The following HIVEP2 variants were observed in gnomAD, a reference collection of about 807,000 sequenced individuals.
HIVEP2 encodes transcription factor HIVEP2.
HIVEP2 carries 14 observed loss-of-function variants against 180.7 expected under a neutral mutation model. That is an observed-to-expected ratio of 0.08 (90% CI 0.05 to 0.12). The LOEUF (loss-of-function observed/expected upper bound fraction) is 0.12. HIVEP2 is among the 10% of genes least tolerant of loss of function. The pLI is 1.00. For missense variants in HIVEP2, 2,579 were observed against 3,008.5 expected (o/e 0.86, Z 3.34); for synonymous variants, 1,184 against 1,136.4 (o/e 1.04, Z -0.84).
intron 1 of HIVEP2, among the ~76,000 whole-genome samples, chr6:142,927,239 G>C (rs1266796910): frequency 6.6e-6 from 1 of 152,162 alleles, no homozygotes; most frequent in Non-Finnish European, 1.5e-5. Flanking sequence ...GAAAAGGCGT[G>C]CGTTTCCAGG....
chr6:142,792,588 A>G (rs926554658), intron 2 of HIVEP2, among the ~76,000 whole-genome samples: 1 of 152,146 alleles, frequency 6.6e-6, no homozygotes, highest in Non-Finnish European at 1.5e-5. Context: ...GAGGGAGAGC[A>G]TTAGGACAAA....
At chr6:142,900,738 C>T (rs1019165488) in intron 1 of HIVEP2, among the ~76,000 whole-genome samples, 9 of 152,120 alleles carry the variant, frequency 5.9e-5, no homozygotes, top group African/African-American at 1.9e-4. Flanking sequence ...TGTAAAAGAC[C>T]AGAGTGCAGC....
intron 2 of HIVEP2, among the ~76,000 whole-genome samples, chr6:142,813,792 C>G (rs1776760082): frequency 6.6e-6 from 1 of 151,862 alleles, no homozygotes; most frequent in Admixed American, 6.6e-5. Flanking sequence ...GTCTCGACTC[C>G]TGGACTCAAA....
In HIVEP2 at chr6:142,774,237, T is replaced by G. The variant is rs756639595; in HGVS notation, c.502A>C (p.Lys168Gln). 2.4e-5 allele frequency: 39 copies of G among 1,614,078 alleles called. No individual in the cohort carries two copies. The highest frequency in any genetic ancestry group is 1.6e-4 in the Middle Eastern group (1 of 6,084). Residue 168 changes from lysine to glutamine, a missense_variant, in exon 5 of 10, where the codon AAA becomes CAA. By Grantham distance (53) the Lys-to-Gln change is moderately conservative. Coordinates refer to ENST00000367603, the MANE Select transcript of HIVEP2 (RefSeq NM_006734.4). This position sits in a 1 kb window ranked among gnomAD's most constrained non-coding sequence, Gnocchi z 5.1. ...LNPAYSQYSQKSIEQAEEAHK... is the reference protein window; with the variant it reads ...LNPAYSQYSQQSIEQAEEAHK... Reference sequence around the variant, plus strand: ...GCCTCTTCTGCCTGTTCAATACTTTTCTGGGAGTATTGGCTATAAGCAGGG... The same window carrying G: ...GCCTCTTCTGCCTGTTCAATACTTTGCTGGGAGTATTGGCTATAAGCAGGG...
At chr6:142,807,189 T>C (rs751621445) in intron 2 of HIVEP2, among the ~76,000 whole-genome samples, 93 of 152,284 alleles carry the variant, frequency 6.1e-4, no homozygotes, top group Non-Finnish European at 2.6e-4. Context: ...GGAGTCAACT[T>C]GGCCAGTACT....
chr6:142,782,408 C>T (rs1186277904), intron 3 of HIVEP2, among the ~76,000 whole-genome samples: 1 of 151,968 alleles, frequency 6.6e-6, no homozygotes, highest in African/African-American at 2.4e-5. Context: ...AGCATATATG[C>T]TCAGAGAGTA....
intron 2 of HIVEP2, among the ~76,000 whole-genome samples, chr6:142,798,199 G>C (rs1031591197): frequency 1.3e-5 from 2 of 151,900 alleles, no homozygotes; most frequent in Non-Finnish European, 2.9e-5. Flanking sequence ...AAAGAAACTA[G>C]CTCCTCTTGC....
intron 9 of HIVEP2, among the ~76,000 whole-genome samples, chr6:142,756,671 A>C (rs1775078790): frequency 7.4e-6 from 1 of 136,028 alleles, no homozygotes; most frequent in Non-Finnish European, 1.6e-5. Flanking sequence ...ATGGAAAAGG[A>C]AATTTATTTA....
At chr6:142,853,941 A>C (rs1050275514) in intron 1 of HIVEP2, among the ~76,000 whole-genome samples, 3 of 152,154 alleles carry the variant, frequency 2.0e-5, no homozygotes, top group Non-Finnish European at 4.4e-5. Flanking sequence ...GAGGAAGAGA[A>C]GGGAATTCCT....
chr6:142,760,797 T>G (rs2114612958), intron 8 of HIVEP2, 130 bp from the exon 9 acceptor site: 1 of 658,390 alleles, frequency 1.5e-6, no homozygotes. Flanking sequence ...GTCTGAGAAC[T>G]CCTATAAAAT....
chr6:142,891,885 T>C (rs1776869309), intron 1 of HIVEP2, among the ~76,000 whole-genome samples: 1 of 152,260 alleles, frequency 6.6e-6, no homozygotes, highest in Non-Finnish European at 1.5e-5. Flanking sequence ...CTGGACTTCA[T>C]TAAGGAGTTC....
At chr6:142,867,027 G>A (rs1173862897) in intron 1 of HIVEP2, among the ~76,000 whole-genome samples, 1 of 152,168 alleles carries the variant, frequency 6.6e-6, no homozygotes, top group African/African-American at 2.4e-5. Context: ...TAGGTAGAGA[G>A]GTACTGACTC....
At chr6:142,831,983 G>C (rs1168004489) in intron 2 of HIVEP2, among the ~76,000 whole-genome samples, 1 of 152,082 alleles carries the variant, frequency 6.6e-6, no homozygotes, top group Non-Finnish European at 1.5e-5. Flanking sequence ...CCTGAGGTCA[G>C]GAGTTCAAGA....
intron 2 of HIVEP2, among the ~76,000 whole-genome samples, chr6:142,806,362 C>T (rs1232711519): frequency 6.6e-6 from 1 of 152,094 alleles, no homozygotes; most frequent in African/African-American, 2.4e-5. Flanking sequence ...TATGGAGTAG[C>T]CATTCTTTAT....
chr6:142,823,607 C>T (rs889951364), intron 2 of HIVEP2, among the ~76,000 whole-genome samples: 18 of 152,226 alleles, frequency 1.2e-4, no homozygotes, highest in Non-Finnish European at 2.1e-4. Flanking sequence ...GCATCCCTTT[C>T]CTGGTTTCTC....
chr6:142,865,815 A>T (rs1162121387), intron 1 of HIVEP2, among the ~76,000 whole-genome samples: 1 of 152,136 alleles, frequency 6.6e-6, no homozygotes, highest in Non-Finnish European at 1.5e-5. Context: ...CTGCCTTGGG[A>T]CGAGTTATGA....
At chr6:142,812,743 G>C (rs975299258) in intron 2 of HIVEP2, among the ~76,000 whole-genome samples, 1 of 152,110 alleles carries the variant, frequency 6.6e-6, no homozygotes, top group Non-Finnish European at 1.5e-5. Flanking sequence ...CTAAAGAATG[G>C]CTGTGTTAAG....
intron 2 of HIVEP2, among the ~76,000 whole-genome samples, chr6:142,809,917 T>C (rs761735389): frequency 6.6e-6 from 1 of 152,094 alleles, no homozygotes; most frequent in Non-Finnish European, 1.5e-5. Context: ...TTTAAACATC[T>C]ACCAGGTACA....
intron 2 of HIVEP2, among the ~76,000 whole-genome samples, chr6:142,824,525 A>C (rs1774811764): frequency 6.6e-6 from 1 of 152,150 alleles, no homozygotes; most frequent in Non-Finnish European, 1.5e-5. Flanking sequence ...TACTGGCAGC[A>C]ATGACCCTCC....
Sources: allele counts gnomAD v4.1 joint callset (sites outside exome capture counted in the v4.1 genomes callset), GRCh38; gene constraint gnomAD v4.1.1; non-coding constraint Gnocchi (gnomAD v3.1); transcripts MANE v1.5; gene names NCBI Gene and HGNC (gene_info 2026-07-23, HGNC 2026-07-21).